The following ATP8B4 variants were observed in gnomAD, a reference collection of about 807,000 sequenced individuals.
ATP8B4 encodes the protein probable phospholipid-transporting ATPase IM.
Under a neutral mutation model 145.6 loss-of-function variants are expected in ATP8B4, and 133 were observed. The ratio of observed to expected loss-of-function variants is 0.91; its 90% confidence interval spans 0.79 to 1.05. ATP8B4 has a LOEUF of 1.05. Ranked by LOEUF, ATP8B4 falls within the 50% of genes least tolerant of loss-of-function variation. The pLI, the probability that ATP8B4 is intolerant of heterozygous loss-of-function variation, is 0.00. For missense variants in ATP8B4, 1,458 were observed against 1,425.2 expected, an observed-to-expected ratio of 1.02 and a Z score of -0.37; for synonymous variants, 507 against 492.9, an observed-to-expected ratio of 1.03 and a Z score of -0.38.
chr15:50,040,602 T>C (rs774552254), intron 5 of ATP8B4, among the ~76,000 whole-genome samples: 1 of 152,172 alleles, frequency 6.6e-6, no homozygotes, highest in Non-Finnish European at 1.5e-5. Flanking sequence ...TGTTTAGTCA[T>C]GTAAATCCCC....
At chr15:50,118,280 G>A (rs72737004) in intron 1 of ATP8B4, among the ~76,000 whole-genome samples, 14,925 of 152,010 alleles carry the variant, frequency 0.098, 943 homozygotes, top group Middle Eastern at 0.17. Flanking sequence ...ATTACACATC[G>A]TATGCATATA....
At chr15:50,154,416 C>T (rs2044386830) in intron 1 of ATP8B4, among the ~76,000 whole-genome samples, 1 of 152,008 alleles carries the variant, frequency 6.6e-6, no homozygotes, top group African/African-American at 2.4e-5. Context: ...AATTAAAAAA[C>T]ACATTTTATG....
At chr15:50,063,853 T>G (rs2053195469) in intron 3 of ATP8B4, among the ~76,000 whole-genome samples, 1 of 152,154 alleles carries the variant, frequency 6.6e-6, no homozygotes, top group Non-Finnish European at 1.5e-5. Context: ...TGTTGTTGCA[T>G]GAAACAGAAG....
At chr15:49,914,248 T>C (rs1335138415) in intron 20 of ATP8B4, among the ~76,000 whole-genome samples, 1 of 152,090 alleles carries the variant, frequency 6.6e-6, no homozygotes, top group East Asian at 1.9e-4. Flanking sequence ...CTTCAATAAG[T>C]AGTGATGGGA....
At chr15:50,006,795 G>A (rs2048334267) in intron 7 of ATP8B4, among the ~76,000 whole-genome samples, 1 of 152,164 alleles carries the variant, frequency 6.6e-6, no homozygotes, top group Non-Finnish European at 1.5e-5. Context: ...ATATGCTCAT[G>A]CCAAGTAAGG....
At chr15:49,865,194 T>C (rs1228063448) in intron 26 of ATP8B4, among the ~76,000 whole-genome samples, 2 of 152,176 alleles carry the variant, frequency 1.3e-5, no homozygotes, top group Non-Finnish European at 2.9e-5. Context: ...GTCATGCCTA[T>C]ATAAAAAATG....
chr15:50,107,331 CT>C (rs2056735470), intron 1 of ATP8B4, among the ~76,000 whole-genome samples: 1 of 152,156 alleles, frequency 6.6e-6, no homozygotes, highest in Admixed American at 6.5e-5. Context: ...CAGAATCTGC[CT>C]TTTATTTAAA....
At chr15:49,964,020 C>T (rs1326315077) in intron 13 of ATP8B4, among the ~76,000 whole-genome samples, 1 of 152,060 alleles carries the variant, frequency 6.6e-6, no homozygotes, top group Non-Finnish European at 1.5e-5. Context: ...GATAAGGGAA[C>T]CAAAGAATGG....
rs34520441 is a variant in ATP8B4, at chr15:49,960,033, G to GTTT, written c.1287+1941_1287+1943dup. ...TTGAGCCTTGTCAATAATTTTTTTG[G>GTTT]TTTTTTTTTTTTTTTGGAGACGGAG... On this transcript the variant is annotated intron_variant, in intron 14 of 27. Coordinates refer to ENST00000284509, the MANE Select transcript of ATP8B4 (RefSeq NM_024837.4). 7.8e-4 allele frequency among the ~76,000 whole-genome samples: 109 copies of GTTT among 139,478 alleles called. 1 individual carries two copies. The highest frequency in any genetic ancestry group is 1.1e-3 in the Non-Finnish European group (72 of 65,040). The allele number at this position is 139,478 out of a possible 152,430, so 91.5% of individuals were successfully genotyped here.
chr15:50,040,624 G>C (rs1194589163), intron 5 of ATP8B4, among the ~76,000 whole-genome samples: 1 of 152,170 alleles, frequency 6.6e-6, no homozygotes, highest in East Asian at 1.9e-4. Flanking sequence ...AAATTGACTA[G>C]CTGAACATCA....
intron 1 of ATP8B4, among the ~76,000 whole-genome samples, chr15:50,109,327 C>G (rs1191199893): frequency 6.6e-6 from 1 of 152,182 alleles, no homozygotes; most frequent in African/African-American, 2.4e-5. Flanking sequence ...AGTGAGTTTT[C>G]ATCCATGAAG....
At chr15:49,936,987 CT>C (rs2041794154) in intron 14 of ATP8B4, among the ~76,000 whole-genome samples, 1 of 151,376 alleles carries the variant, frequency 6.6e-6, no homozygotes, top group Non-Finnish European at 1.5e-5. Flanking sequence ...GCATCTTGTT[CT>C]TGTTTCATGG....
In ATP8B4 at chr15:49,972,743, C is replaced by T. The variant is rs370938976; in HGVS notation, c.1082G>A (p.Arg361Gln). 19 of 1,613,806 alleles carry T rather than the reference C, an allele frequency of 1.2e-5. No individual in the cohort carries two copies. Among genetic ancestry groups the T allele is most frequent in the South Asian group, 4.4e-5 (4 of 91,064 alleles). Reference protein sequence around the residue: ...LGHSYFINWDRKMYYSRKAIP... With the variant: ...LGHSYFINWDQKMYYSRKAIP... The stretch of plus-strand genomic sequence containing the variant: ...TGCTTTTCGAGAATAATACATCTTC[C>T]GGTCCCAGTTTATAAAATAACTGTG... The change falls in exon 13 of 28, where the codon CGG becomes CAG. Residue 361 changes from arginine (R) to glutamine (Q), a missense_variant. Coordinates refer to ENST00000284509, the MANE Select transcript of ATP8B4 (RefSeq NM_024837.4).
intron 2 of ATP8B4, among the ~76,000 whole-genome samples, chr15:50,077,146 T>G (rs146416534): frequency 6.6e-6 from 1 of 152,342 alleles, no homozygotes; most frequent in South Asian, 2.1e-4. Context: ...AACTCACACC[T>G]GCACAATTAT....
At chr15:50,031,126 A>G (rs1451478984) in intron 6 of ATP8B4, among the ~76,000 whole-genome samples, 5 of 152,184 alleles carry the variant, frequency 3.3e-5, no homozygotes, top group African/African-American at 9.7e-5. Context: ...AAACCACTTC[A>G]CTGAGTTCAA....
intron 3 of ATP8B4, among the ~76,000 whole-genome samples, chr15:50,060,921 T>C (rs940247855): frequency 9.9e-5 from 15 of 152,142 alleles, no homozygotes; most frequent in Admixed American, 2.6e-4. Flanking sequence ...ATTGCTGTGA[T>C]ATAGGAAAGG....
intron 3 of ATP8B4, among the ~76,000 whole-genome samples, chr15:50,072,216 G>A (rs1168536404): frequency 6.6e-6 from 1 of 151,804 alleles, no homozygotes; most frequent in African/African-American, 2.4e-5. Flanking sequence ...TTGCCCCTGG[G>A]ACTCTCATAT....
At chr15:49,970,666 G>C (rs1003713427) in intron 13 of ATP8B4, among the ~76,000 whole-genome samples, 1 of 152,124 alleles carries the variant, frequency 6.6e-6, no homozygotes, top group African/African-American at 2.4e-5. Flanking sequence ...TGGATAGGAA[G>C]AATCAATATT....
chr15:50,006,133 TG>T (rs2048281307), intron 7 of ATP8B4, among the ~76,000 whole-genome samples: 2 of 152,122 alleles, frequency 1.3e-5, no homozygotes, highest in Admixed American at 6.5e-5. Flanking sequence ...AAATGCATAT[TG>T]ATTACTAATA....
Sources: allele counts gnomAD v4.1 joint callset (sites outside exome capture counted in the v4.1 genomes callset), GRCh38; gene constraint gnomAD v4.1.1; transcripts MANE v1.5; gene names NCBI Gene and HGNC (gene_info 2026-07-23, HGNC 2026-07-21).